The following PARD3B variants were observed in gnomAD, a reference collection of about 807,000 sequenced individuals.
The protein encoded by PARD3B is par-3 family cell polarity regulator beta.
PARD3B carries 103 observed loss-of-function variants against 130.2 expected under a neutral mutation model. That is an observed-to-expected ratio of 0.79 (90% confidence interval 0.67 to 0.93). PARD3B has a LOEUF of 0.93. Ranked by LOEUF, PARD3B falls within the 40% of genes least tolerant of loss-of-function variation. The pLI is 0.00. For synonymous variants in PARD3B, 583 were observed against 553.2 expected, an observed-to-expected ratio of 1.05 and a Z score of -0.76; for missense variants, 1,609 against 1,499.2, an observed-to-expected ratio of 1.07 and a Z score of -1.21.
chr2:205,033,172 G>A (rs1201426854), intron 3 of PARD3B, among the ~76,000 whole-genome samples: 1 of 152,046 alleles, frequency 6.6e-6, no homozygotes, highest in Non-Finnish European at 1.5e-5. Context: ...TCCCAAATGT[G>A]CACCATTCTG....
chr2:204,729,204 G>C (rs1369427555), intron 2 of PARD3B, among the ~76,000 whole-genome samples: 2 of 152,180 alleles, frequency 1.3e-5, no homozygotes, highest in East Asian at 1.9e-4. Context: ...TGTGACTGCT[G>C]TTCGCCAATC....
rs2048898286 is a variant in PARD3B at position 205,473,136 on chromosome 2, T to G, written c.3045-26760T>G. ...GGTTAGGAAGTTTCTCATAATAGTT[T>G]TCCCACTATCCAGTCCCCATATTGT... On this transcript the variant is annotated intron_variant, in intron 20 of 22. Transcript: ENST00000406610. The surrounding 1 kb of genome is among the most constrained non-coding windows in gnomAD (Gnocchi z 4.9). Among the ~76,000 whole-genome samples the G allele has an allele frequency of 6.6e-6, 1 of 152,114 alleles. No individual in the cohort carries two copies. Among genetic ancestry groups the G allele is most frequent in the Admixed American group, 6.6e-5 (1 of 15,258 alleles).
intron 20 of PARD3B, among the ~76,000 whole-genome samples, chr2:205,493,632 A>G (rs1306407214): frequency 6.6e-6 from 1 of 152,158 alleles, no homozygotes; most frequent in Non-Finnish European, 1.5e-5. Flanking sequence ...AAAGGGTTTT[A>G]TTCAGAGAGT....
In PARD3B at chr2:205,460,393, GTGATGATGATGA is replaced by G. The variant is rs3077792; in HGVS notation, c.3044+19753_3044+19764del. On this transcript the variant is annotated intron_variant, in intron 20 of 22. Coordinates refer to ENST00000406610, the MANE Select transcript of PARD3B (RefSeq NM_001302769.2). This position sits in a 1 kb window ranked among gnomAD's most constrained non-coding sequence, Gnocchi z 4.9. The stretch of plus-strand genomic sequence containing the variant: ...ATTATCAAGACTAAGGATGTTGATA[GTGATGATGATGA>G]TGATGATGATGATGATGATGATGAT... Among the ~76,000 whole-genome samples the G allele has an allele frequency of 9.9e-4, 146 of 148,000 alleles. No homozygotes were observed. Among genetic ancestry groups the G allele is most frequent in the African/African-American group, 2.4e-3 (98 of 40,400 alleles).
chr2:204,827,768 A>G (rs964833913), intron 2 of PARD3B, among the ~76,000 whole-genome samples: 2 of 152,226 alleles, frequency 1.3e-5, no homozygotes, highest in African/African-American at 4.8e-5. Flanking sequence ...TTATATGCAA[A>G]TTAATGCAAA....
chr2:205,055,596 T>G (rs999097573), intron 4 of PARD3B, among the ~76,000 whole-genome samples: 1 of 152,142 alleles, frequency 6.6e-6, no homozygotes, highest in Non-Finnish European at 1.5e-5. Flanking sequence ...GTGGGTGATT[T>G]CCTCAGAAAT....
intron 20 of PARD3B, among the ~76,000 whole-genome samples, chr2:205,480,289 T>C (rs2049184173): frequency 6.6e-6 from 1 of 152,176 alleles, no homozygotes. Context: ...CAGAATACTC[T>C]TCATGGAGAT....
At chr2:205,498,879 C>A (rs1464677082) in intron 20 of PARD3B, among the ~76,000 whole-genome samples, 5 of 152,152 alleles carry the variant, frequency 3.3e-5, no homozygotes, top group Non-Finnish European at 7.4e-5. Flanking sequence ...TTCCCATGAC[C>A]CCATGCAAAT....
intron 2 of PARD3B, among the ~76,000 whole-genome samples, chr2:204,795,797 T>A (rs2042352114): frequency 6.6e-6 from 1 of 152,258 alleles, no homozygotes; most frequent in Admixed American, 6.5e-5. Context: ...TATTTTCTTC[T>A]ATTATAATCA....
At position 205,011,110 on chromosome 2, in the gene PARD3B, A is replaced by G. The variant is rs540225499; in HGVS notation, c.395-36471A>G. 3.9e-5 allele frequency among the ~76,000 whole-genome samples: 6 copies of G among 152,306 alleles called. No individual in the cohort carries two copies. The highest frequency in any genetic ancestry group is 5.9e-5 in the Non-Finnish European group (4 of 68,028). On this transcript the variant is annotated intron_variant, in intron 3 of 22. Transcript: ENST00000406610. This position sits in a 1 kb window ranked among gnomAD's most constrained non-coding sequence, Gnocchi z 4.1. Reference sequence around the variant, plus strand: ...GGCTAATTGGATAGAGATCCTGCCTATTCACTCTTGGCTGGTAGATGTTGT... The same window carrying G: ...GGCTAATTGGATAGAGATCCTGCCTGTTCACTCTTGGCTGGTAGATGTTGT...
At chr2:204,962,399 C>A (rs1690821847) in intron 2 of PARD3B, among the ~76,000 whole-genome samples, 1 of 152,042 alleles carries the variant, frequency 6.6e-6, no homozygotes, top group Admixed American at 6.5e-5. Context: ...TTACTCTAAG[C>A]GAAACCTTAA....
At chr2:205,319,411 C>G (rs7567356) in intron 18 of PARD3B, among the ~76,000 whole-genome samples, 15,484 of 152,172 alleles carry the variant, frequency 0.1, 1,241 homozygotes, top group African/African-American at 0.22. Flanking sequence ...GTCTTTCAAC[C>G]CTATACATCC....
chr2:205,504,257 G>C (rs1375264203), intron 21 of PARD3B, among the ~76,000 whole-genome samples: 7 of 152,178 alleles, frequency 4.6e-5, no homozygotes, highest in Non-Finnish European at 1.0e-4. Flanking sequence ...ATGGATTAAA[G>C]ACTTAAATGT....
In PARD3B at chr2:204,683,011, C is replaced by A. The variant is rs138623958; in HGVS notation, c.121-3170C>A. Among the ~76,000 whole-genome samples, 378 of 152,308 alleles carry A rather than the reference C, an allele frequency of 2.5e-3. 3 individuals are homozygous for A. Among genetic ancestry groups the A allele is most frequent in the African/African-American group, 8.1e-3 (338 of 41,580 alleles). On this transcript the variant is annotated intron_variant, in intron 1 of 22. Transcript: ENST00000406610. The stretch of plus-strand genomic sequence containing the variant: ...CATTTGATCATTAAAAATAACTCTT[C>A]TTCCTGTAATGCCTGTGTTTTTGTT...
At chr2:205,379,604 C>A (rs1436381547) in intron 18 of PARD3B, among the ~76,000 whole-genome samples, 2 of 152,062 alleles carry the variant, frequency 1.3e-5, no homozygotes, top group Non-Finnish European at 2.9e-5. Flanking sequence ...GTATTACCCA[C>A]ACTCTTTAGC....
chr2:204,784,361 G>A (rs1432494462), intron 2 of PARD3B, among the ~76,000 whole-genome samples: 1 of 151,954 alleles, frequency 6.6e-6, no homozygotes, highest in East Asian at 1.9e-4. Context: ...AGATGCGAGG[G>A]CTATATTTTT....
intron 2 of PARD3B, among the ~76,000 whole-genome samples, chr2:204,954,705 G>T (rs985826761): frequency 6.6e-6 from 1 of 152,142 alleles, no homozygotes; most frequent in Non-Finnish European, 1.5e-5. Context: ...CAGGAGACAG[G>T]TATGCCCATT....
intron 2 of PARD3B, among the ~76,000 whole-genome samples, chr2:204,948,855 G>A (rs376746038): frequency 6.6e-6 from 1 of 152,226 alleles, no homozygotes; most frequent in Middle Eastern, 3.4e-3. Context: ...GACAGATAAT[G>A]GTATTTTTCC....
chr2:204,668,891 A>G (rs2036150763), intron 1 of PARD3B, among the ~76,000 whole-genome samples: 1 of 152,154 alleles, frequency 6.6e-6, no homozygotes, highest in South Asian at 2.1e-4. Context: ...TATTTGTGGA[A>G]GAGGGAAGCA....
Sources: allele counts gnomAD v4.1 joint callset (sites outside exome capture counted in the v4.1 genomes callset), GRCh38; gene constraint gnomAD v4.1.1; non-coding constraint Gnocchi (gnomAD v3.1); transcripts MANE v1.5; gene names NCBI Gene and HGNC (gene_info 2026-07-23, HGNC 2026-07-21).